Variants in ATP2B2 observed in about 807,000 individuals in gnomAD.
The protein encoded by ATP2B2 is ATPase plasma membrane Ca2+ transporting 2.
A neutral mutation model predicts 120.0 loss-of-function variants in ATP2B2; 15 were observed. The observed-to-expected ratio is 0.12, with a 90% confidence interval of 0.08 to 0.19. The LOEUF is 0.19. Ranked by LOEUF, ATP2B2 falls within the 10% of genes least tolerant of loss-of-function variation. ATP2B2 has a pLI of 1.00. For missense variants in ATP2B2, 1,045 were observed against 1,719.8 expected (o/e 0.61, Z 6.94); for synonymous variants, 694 against 700.3 (o/e 0.99, Z 0.14).
At chr3:10,410,324 T>C (rs112472433) in intron 3 of ATP2B2, among the ~76,000 whole-genome samples, 52 of 152,118 alleles carry the variant, frequency 3.4e-4, no homozygotes, top group African/African-American at 1.2e-3. Context: ...CCTCAGGGGG[T>C]TGTCAGGGCG....
At chr3:10,444,372 C>T (rs372694840) in intron 2 of ATP2B2, among the ~76,000 whole-genome samples, 2 of 152,226 alleles carry the variant, frequency 1.3e-5, no homozygotes, top group African/African-American at 2.4e-5. Context: ...CCTGCCTCCA[C>T]ATCCTCCTGC....
Position 10,638,944 on chromosome 3 carries a change from A to C in ATP2B2, c.-459-18983T>G, listed in dbSNP as rs565878194. Among the ~76,000 whole-genome samples, 3 of 152,380 alleles carry C rather than the reference A, an allele frequency of 2.0e-5. No homozygotes were observed. In the South Asian group the frequency reaches 6.2e-4, roughly 32 times the overall value. On this transcript the variant is annotated intron_variant, in intron 1 of 21. Coordinates refer to the ATP2B2 transcript ENST00000646379. The stretch of plus-strand genomic sequence containing the variant: ...GATTAAGCATCTAATAAGGCAGCTT[A>C]AAATGCATGACGCAAATATTGATGG...
chr3:10,326,047 C>T lies in ATP2B2; in HGVS notation c.*2767G>A, dbSNP rs1299789180. ...AGTCAGAAGAGCCAGCGATTGAAAG[C>T]ATAACCATTGCATAGTATTAAATGA... On this transcript the variant is annotated 3_prime_UTR_variant, in exon 23 of 23. Coordinates refer to ENST00000360273, the MANE Select transcript of ATP2B2 (RefSeq NM_001001331.4). The T allele has an allele frequency of 6.6e-6, 1 of 152,344 alleles. No homozygotes were observed. The highest frequency in any genetic ancestry group is 1.5e-5 in the Non-Finnish European group (1 of 67,996). 9.4% of individuals were successfully genotyped at this position (152,344 alleles called of 1,614,324 possible).
In ATP2B2 at chr3:10,360,135, G is replaced by T. The variant is rs754899791; in HGVS notation, c.1660-12C>A. ...TCCTTCTCTGGGGGCTGCAGAGAGA[G>T]GAAGGAGCGGCTGGCACCTGGTGGG... On this transcript the variant is annotated splice_polypyrimidine_tract_variant and intron_variant, in intron 12 of 22. Coordinates refer to ENST00000360273, the MANE Select transcript of ATP2B2 (RefSeq NM_001001331.4). 11 of 1,577,184 alleles carry T rather than the reference G, an allele frequency of 7.0e-6. No homozygotes were observed. In the South Asian group the frequency reaches 1.3e-4, roughly 18 times the overall value.
At chr3:10,371,389 C>A (rs1352898842) in intron 12 of ATP2B2, among the ~76,000 whole-genome samples, 2 of 152,222 alleles carry the variant, frequency 1.3e-5, no homozygotes, top group East Asian at 1.9e-4. Context: ...CCCACAGATG[C>A]AGGAGGAAGC....
intron 2 of ATP2B2, among the ~76,000 whole-genome samples, chr3:10,599,302 CA>C (rs1210953843): frequency 6.6e-6 from 1 of 152,194 alleles, no homozygotes; most frequent in Non-Finnish European, 1.5e-5. Context: ...TGCTTCTCGC[CA>C]TTGGTTCCCA....
chr3:10,707,512 G>C (rs2071914467), intron 1 of ATP2B2, among the ~76,000 whole-genome samples: 1 of 152,220 alleles, frequency 6.6e-6, no homozygotes, highest in Non-Finnish European at 1.5e-5. Flanking sequence ...CCACACTGAG[G>C]AGAAGCCAGG....
chr3:10,538,144 G>A (rs9873379), intron 2 of ATP2B2, among the ~76,000 whole-genome samples: 6,463 of 152,256 alleles, frequency 0.042, 355 homozygotes, highest in African/African-American at 0.12. Flanking sequence ...TATGATAATA[G>A]TAGCTCCTTA....
chr3:10,519,782 T>C (rs1283506379), intron 3 of ATP2B2, among the ~76,000 whole-genome samples: 2 of 152,192 alleles, frequency 1.3e-5, no homozygotes, highest in Non-Finnish European at 2.9e-5. Flanking sequence ...CACTCAGCAG[T>C]CACTTGTTCA....
At chr3:10,461,370 C>A (rs1032488424) in intron 1 of ATP2B2, among the ~76,000 whole-genome samples, 3 of 152,194 alleles carry the variant, frequency 2.0e-5, no homozygotes, top group African/African-American at 7.2e-5. Context: ...ACTGACTTGG[C>A]CTCAGATCTG....
In ATP2B2 at chr3:10,623,054, CTTTTTTTTTTT is replaced by C. The variant is rs34097914; in HGVS notation, c.-459-3104_-459-3094del. ...GCACTCTGCCTGGCCTTGGTCAGCT[CTTTTTTTTTTT>C]TTTTTTTTTTTCCCTGAGGAAGGGG... On this transcript the variant is annotated intron_variant, in intron 1 of 21. Transcript: ENST00000646379. Among the ~76,000 whole-genome samples the C allele has an allele frequency of 1.4e-4, 15 of 106,614 alleles. No individual in the cohort carries two copies. The East Asian group carries it at 2.9e-3, about 21-fold the overall frequency. 69.9% of individuals were successfully genotyped at this position (106,614 alleles called of 152,430 possible). A position where few individuals can be genotyped will look rare whatever the true frequency, so the allele number is the denominator to read the frequency against.
chr3:10,560,316 G>A (rs974142262), intron 2 of ATP2B2, among the ~76,000 whole-genome samples: 3 of 152,212 alleles, frequency 2.0e-5, no homozygotes, highest in African/African-American at 7.2e-5. Flanking sequence ...CCCAGGGCCT[G>A]TCCTCCCAGG....
rs1420266730 is a variant in ATP2B2, at chr3:10,372,022, G to C, written c.1446C>G (p.Arg482=). Residue 482 remains arginine, a synonymous_variant, in exon 12 of 23, where the codon CGC becomes CGG. Transcript: ENST00000360273. Reference sequence around the variant, plus strand: ...CCATGGTCTCACAGGCATCCAGGTGGCGTACCAGGTTGTTGTCCTTCATCA... The same window carrying C: ...CCATGGTCTCACAGGCATCCAGGTGCCGTACCAGGTTGTTGTCCTTCATCA... The part of the protein sequence containing the change: ...KKMMKDNNLV[R]HLDACETMGN... 6.2e-7 allele frequency: 1 copy of C among 1,614,116 alleles called. No individual in the cohort carries two copies. Among genetic ancestry groups the C allele is most frequent in the Admixed American group, 1.7e-5 (1 of 60,006 alleles).
At chr3:10,379,960 A>G (rs2061486849) in intron 8 of ATP2B2, among the ~76,000 whole-genome samples, 1 of 152,124 alleles carries the variant, frequency 6.6e-6, no homozygotes, top group Admixed American at 6.5e-5. Flanking sequence ...GAGTGACCAG[A>G]ACAAAGAGTG....
At chr3:10,591,106 C>G (rs1291501513) in intron 2 of ATP2B2, among the ~76,000 whole-genome samples, 1 of 152,004 alleles carries the variant, frequency 6.6e-6, no homozygotes, top group Non-Finnish European at 1.5e-5. Context: ...GTCAACTCAC[C>G]CTTCTGAGAG....
chr3:10,516,235 T>C (rs1333134821), intron 3 of ATP2B2, among the ~76,000 whole-genome samples: 2 of 152,234 alleles, frequency 1.3e-5, no homozygotes, highest in Admixed American at 6.5e-5. Flanking sequence ...TGTTCCTCCC[T>C]GCTGCAGGCT....
chr3:10,346,222 G>A lies in ATP2B2; in HGVS notation c.2405-85C>T, dbSNP rs539551792. On this transcript the variant is annotated intron_variant, in intron 16 of 22. Coordinates refer to ENST00000360273, the MANE Select transcript of ATP2B2 (RefSeq NM_001001331.4). The surrounding 1 kb of genome is among the most constrained non-coding windows in gnomAD (Gnocchi z 4.1). Reference sequence around the variant, plus strand: ...AGCCCTGGTCCTCGGGAGGGGCCTGGCTGGGCATGGCTTCCTCTCTGGTCC... The same window carrying A: ...AGCCCTGGTCCTCGGGAGGGGCCTGACTGGGCATGGCTTCCTCTCTGGTCC... The A allele has an allele frequency of 5.9e-4, 769 of 1,302,160 alleles. 1 individual carries two copies. The highest frequency in any genetic ancestry group is 7.8e-4 in the Non-Finnish European group (717 of 918,746). 80.7% of individuals were successfully genotyped at this position (1,302,160 alleles called of 1,614,324 possible). A position where few individuals can be genotyped will look rare whatever the true frequency, so the allele number is the denominator to read the frequency against.
intron 1 of ATP2B2, among the ~76,000 whole-genome samples, chr3:10,480,542 C>T (rs1300867293): frequency 1.3e-5 from 2 of 152,210 alleles, no homozygotes; most frequent in Admixed American, 1.3e-4. Context: ...CTATGTGGGA[C>T]TAGTTCCTGC....
At chr3:10,344,040 A>C (rs942817770) in intron 18 of ATP2B2, among the ~76,000 whole-genome samples, 1 of 151,798 alleles carries the variant, frequency 6.6e-6, no homozygotes, top group Admixed American at 6.6e-5. Context: ...ATCACCTCCC[A>C]GGTTTCATCA....
Sources: allele counts gnomAD v4.1 joint callset (sites outside exome capture counted in the v4.1 genomes callset), GRCh38; gene constraint gnomAD v4.1.1; non-coding constraint Gnocchi (gnomAD v3.1); transcripts MANE v1.5; gene names NCBI Gene and HGNC (gene_info 2026-07-23, HGNC 2026-07-21).